FHIT: variants seen among roughly 807,000 people sequenced by gnomAD.
FHIT encodes the protein fragile histidine triad diadenosine triphosphatase.
A neutral mutation model predicts 17.9 loss-of-function variants in FHIT; 19 were observed. That is an observed-to-expected ratio of 1.06 (90% CI 0.74 to 1.56). The LOEUF (loss-of-function observed/expected upper bound fraction) is 1.56, where lower values mean the gene tolerates loss of function less well. FHIT is among the 40% of genes most tolerant of loss of function. FHIT has a pLI of 0.00. For missense variants in FHIT, 248 were observed against 189.2 expected, an observed-to-expected ratio of 1.31 and a Z score of -1.82; for synonymous variants, 81 against 69.7, an observed-to-expected ratio of 1.16 and a Z score of -0.81.
chr3:60,392,601 G>A lies in FHIT; in HGVS notation c.103+144259C>T, dbSNP rs552327514. Among the ~76,000 whole-genome samples the A allele has an allele frequency of 5.1e-4, 77 of 152,286 alleles. 1 individual carries two copies. The South Asian group carries it at 0.016, about 31-fold the overall frequency. On this transcript the variant is annotated intron_variant, in intron 5 of 9. Coordinates refer to ENST00000492590, the MANE Select transcript of FHIT (RefSeq NM_002012.4). ...GCTGAACATACTTTCCACTCAGTGG[G>A]TGCCAAAACTGTTGCACACAGATCA...
chr3:61,050,952 T>C (rs1391800166), intron 2 of FHIT, among the ~76,000 whole-genome samples: 1 of 152,220 alleles, frequency 6.6e-6, no homozygotes, highest in Admixed American at 6.5e-5. Flanking sequence ...CCTTGGATTT[T>C]CTTCCGAGCC....
At chr3:60,671,929 A>G (rs1302426452) in intron 4 of FHIT, among the ~76,000 whole-genome samples, 1 of 152,128 alleles carries the variant, frequency 6.6e-6, no homozygotes, top group Non-Finnish European at 1.5e-5. Context: ...CATCCTGGGC[A>G]ACAAGAGCAA....
chr3:60,637,162 C>T (rs2039609173), intron 4 of FHIT, among the ~76,000 whole-genome samples: 1 of 152,140 alleles, frequency 6.6e-6, no homozygotes, highest in Non-Finnish European at 1.5e-5. Context: ...AAAAAAGACT[C>T]AGCAAAATGC....
intron 8 of FHIT, among the ~76,000 whole-genome samples, chr3:59,797,647 A>G (rs1266370342): frequency 6.6e-6 from 1 of 152,158 alleles, no homozygotes; most frequent in East Asian, 1.9e-4. Flanking sequence ...CTCCATGCCG[A>G]TATTATATAA....
At chr3:61,034,391 T>C (rs1255719924) in intron 3 of FHIT, among the ~76,000 whole-genome samples, 1 of 152,062 alleles carries the variant, frequency 6.6e-6, no homozygotes, top group African/African-American at 2.4e-5. Flanking sequence ...ATCCAGAATA[T>C]ACAGTATAAG....
chr3:61,029,029 G>A (rs898394482), intron 3 of FHIT, among the ~76,000 whole-genome samples: 9 of 152,126 alleles, frequency 5.9e-5, no homozygotes, highest in Non-Finnish European at 1.3e-4. Context: ...GGCTCTTCCA[G>A]AATGGTTCAA....
At chr3:60,974,573 C>T (rs1187592074) in intron 3 of FHIT, among the ~76,000 whole-genome samples, 1 of 152,116 alleles carries the variant, frequency 6.6e-6, no homozygotes, top group Non-Finnish European at 1.5e-5. Flanking sequence ...CCCTTTGTTG[C>T]CTAAGCCAGT....
rs796099894 is a variant in FHIT, at chr3:60,079,943, T to A, written c.104-65791A>T. On this transcript the variant is annotated intron_variant, in intron 5 of 9. Coordinates refer to ENST00000492590, the MANE Select transcript of FHIT (RefSeq NM_002012.4). ...AGTAAAGATGTGCTAATGATAGATT[T>A]TTTTTCTACTCCAATATGTTGTAAA... Among the ~76,000 whole-genome samples the A allele has an allele frequency of 2.6e-5, 4 of 152,272 alleles. No homozygotes were observed. The South Asian group carries it at 8.3e-4, about 32-fold the overall frequency.
chr3:59,857,705 G>GTTTTTTTTTTTTTTTTTTT (rs78150569), intron 8 of FHIT, among the ~76,000 whole-genome samples: 33 of 115,396 alleles, frequency 2.9e-4, no homozygotes, highest in African/African-American at 5.4e-4. Flanking sequence ...AAAGTGCTGG[G>GTTTTTTTTTTTTTTTTTTT]TTTTTTTTTT....
chr3:59,908,850 T>TTTTTTTTTTTTTTTTTTTTTTTG (rs1553712872), intron 8 of FHIT, among the ~76,000 whole-genome samples: 28 of 150,070 alleles, frequency 1.9e-4, no homozygotes, highest in African/African-American at 6.1e-4. Context: ...TTTCATTTTT[T>TTTTTTTTTTTTTTTTTTTTTTTG]AATAGTCCAA....
intron 5 of FHIT, among the ~76,000 whole-genome samples, chr3:60,399,929 G>C (rs1353295862): frequency 6.6e-6 from 1 of 152,132 alleles, no homozygotes; most frequent in African/African-American, 2.4e-5. Context: ...AGTAAACCCT[G>C]CTTCTGAATT....
chr3:60,433,453 T>G (rs532186710), intron 5 of FHIT, among the ~76,000 whole-genome samples: 1 of 152,278 alleles, frequency 6.6e-6, no homozygotes, highest in East Asian at 1.9e-4. Flanking sequence ...TGCTAGATCA[T>G]GGGGTAAATC....
At chr3:60,252,854 C>A (rs867474413) in intron 5 of FHIT, among the ~76,000 whole-genome samples, 1 of 151,672 alleles carries the variant, frequency 6.6e-6, no homozygotes, top group Admixed American at 6.6e-5. Context: ...AAAAATTAGC[C>A]GGGCGTGGTG....
chr3:60,165,870 A>G lies in FHIT; in HGVS notation c.104-151718T>C, dbSNP rs192181688. Among the ~76,000 whole-genome samples the G allele has an allele frequency of 7.2e-5, 11 of 152,322 alleles. No individual in the cohort carries two copies. The East Asian group carries it at 2.1e-3, about 29-fold the overall frequency. ...TGAACAATTTCAGGGCTGTGTGTGT[A>G]TATTTACGTGTGAAACATAAATAGG... is the stretch of plus-strand genomic sequence containing the variant. On this transcript the variant is annotated intron_variant, in intron 5 of 9. Transcript: ENST00000492590.
intron 8 of FHIT, among the ~76,000 whole-genome samples, chr3:59,868,737 C>G (rs937836220): frequency 6.6e-6 from 1 of 152,160 alleles, no homozygotes; most frequent in African/African-American, 2.4e-5. Flanking sequence ...ACTTCCTGTT[C>G]ATCAGGGGGT....
chr3:59,998,654 C>G (rs564156545), intron 7 of FHIT, among the ~76,000 whole-genome samples: 2 of 152,160 alleles, frequency 1.3e-5, no homozygotes, highest in East Asian at 3.9e-4. Flanking sequence ...AAAGAGCCAG[C>G]CAGTCTCAGG....
Position 59,752,209 on chromosome 3 carries a change from T to C in FHIT, c.*5+12A>G, listed in dbSNP as rs766945591. 7 of 1,597,410 alleles carry C rather than the reference T, an allele frequency of 4.4e-6. No homozygotes were observed. In the East Asian group the frequency reaches 1.6e-4, roughly 36 times the overall value. On this transcript the variant is annotated intron_variant, in intron 9 of 9. Transcript: ENST00000492590. ...CGGGAGGGTCTGGGTAATGACGAAATGCAGTCTTTACCTGTGTCACTGAAA... is the reference window on the plus strand; with the variant it reads ...CGGGAGGGTCTGGGTAATGACGAAACGCAGTCTTTACCTGTGTCACTGAAA...
intron 5 of FHIT, among the ~76,000 whole-genome samples, chr3:60,430,087 T>C (rs749528752): frequency 2.0e-5 from 3 of 151,934 alleles, no homozygotes; most frequent in Non-Finnish European, 4.4e-5. Context: ...GCCATGATCA[T>C]GGCACCAAAA....
intron 7 of FHIT, among the ~76,000 whole-genome samples, chr3:59,982,267 T>C (rs191831186): frequency 6.4e-4 from 97 of 152,170 alleles, no homozygotes; most frequent in African/African-American, 2.1e-3. Context: ...GTTGTTTAAG[T>C]GGAAAAAGAA....
Sources: allele counts gnomAD v4.1 joint callset (sites outside exome capture counted in the v4.1 genomes callset), GRCh38; gene constraint gnomAD v4.1.1; transcripts MANE v1.5; gene names NCBI Gene and HGNC (gene_info 2026-07-23, HGNC 2026-07-21).